The following TMEM143 variants were observed in gnomAD, a reference collection of about 807,000 sequenced individuals.
TMEM143 encodes transmembrane protein 143.
Under a neutral mutation model 40.3 loss-of-function variants are expected in TMEM143, and 45 were observed. The observed-to-expected ratio is 1.12, with a 90% confidence interval of 0.88 to 1.43. The LOEUF is 1.43. Among genes scored for constraint, TMEM143 ranks in the 40% most tolerant of loss-of-function variants. The probability of loss-of-function intolerance (pLI) is 0.00; values close to 1 mark genes in which losing one functional copy is unlikely to be tolerated. For synonymous variants in TMEM143, 299 were observed against 282.7 expected (o/e 1.06, Z -0.58); for missense variants, 620 against 613.4 (o/e 1.01, Z -0.11).
At chr19:48,356,210 TGG>T (rs1356931409) in intron 3 of TMEM143, among the ~76,000 whole-genome samples, 1 of 150,832 alleles carries the variant, frequency 6.6e-6, no homozygotes, top group Non-Finnish European at 1.5e-5. Flanking sequence ...CTCCGCCTCC[TGG>T]GTTCAAGTGA....
intron 2 of TMEM143, among the ~76,000 whole-genome samples, chr19:48,360,799 T>G (rs931281254): frequency 1.3e-5 from 2 of 152,002 alleles, no homozygotes; most frequent in Non-Finnish European, 2.9e-5. Context: ...TTATTATTAT[T>G]ATGTTGAGAC....
At chr19:48,362,287 C>T (rs943584720) in intron 2 of TMEM143, among the ~76,000 whole-genome samples, 9 of 152,262 alleles carry the variant, frequency 5.9e-5, no homozygotes, top group Middle Eastern at 3.4e-3. Flanking sequence ...TACCTGTAAT[C>T]TCAGCACTTT....
intron 6 of TMEM143, among the ~76,000 whole-genome samples, chr19:48,340,946 C>T (rs1969473511): frequency 6.6e-6 from 1 of 152,138 alleles, no homozygotes; most frequent in African/African-American, 2.4e-5. Flanking sequence ...TCAGATCCTA[C>T]CTGAGCCCTG....
intron 5 of TMEM143, chr19:48,343,117 C>T (rs1969542799): frequency 4.0e-6 from 3 of 748,984 alleles, no homozygotes; most frequent in Admixed American, 3.0e-5. Context: ...AGAACTGTCC[C>T]CATCCTTTCT....
chr19:48,345,364 G>T lies in TMEM143; in HGVS notation c.370-10C>A, dbSNP rs201115543. On this transcript the variant is annotated splice_polypyrimidine_tract_variant and intron_variant, in intron 3 of 7. Coordinates refer to ENST00000293261, the MANE Select transcript of TMEM143 (RefSeq NM_018273.4). ...TGGGGTCATATAAGGCCTAAGAGGA[G>T]AGTCAGAGAGAAAAAGATGGGATAG... is the stretch of plus-strand genomic sequence containing the variant. The T allele has an allele frequency of 1.3e-6, 2 of 1,518,198 alleles. No homozygotes were observed. Among genetic ancestry groups the T allele is most frequent in the African/African-American group, 2.8e-5 (2 of 70,828 alleles). The allele number at this position is 1,518,198 out of a possible 1,614,324, so 94.0% of individuals were successfully genotyped here. A position where few individuals can be genotyped will look rare whatever the true frequency, so the allele number is the denominator to read the frequency against.
At chr19:48,360,575 CA>C (rs66559365) in intron 2 of TMEM143, 35,784 of 101,202 alleles carry the variant, frequency 0.35, 4,411 homozygotes, top group Middle Eastern at 0.43. Context: ...GACTCTGTCT[CA>C]AAAAAAAAAA....
At position 48,343,303 on chromosome 19, in the gene TMEM143, G is replaced by C. The variant is rs777241947; in HGVS notation, c.695+18C>G. ...CTTGCTCCCTCTTGCTGCAGCTGGG[G>C]AACAAGGGCCGCCTCACCTCTCCGC... On this transcript the variant is annotated intron_variant, in intron 5 of 7. Coordinates refer to ENST00000293261, the MANE Select transcript of TMEM143 (RefSeq NM_018273.4). The C allele has an allele frequency of 1.6e-5, 25 of 1,606,928 alleles. No homozygotes were observed. In the South Asian group the frequency reaches 2.7e-4, roughly 17 times the overall value.
chr19:48,333,054 G>C lies in TMEM143; in HGVS notation c.*165C>G. ...GGGGAAGACTTAACAACTGCTAGCT[G>C]CTTTGATTGGCTGCTTTGCTTAAGC... On this transcript the variant is annotated 3_prime_UTR_variant, in exon 8 of 8. Transcript: ENST00000293261. The surrounding 1 kb of genome is among the most constrained non-coding windows in gnomAD (Gnocchi z 4.1). 2.1e-6 allele frequency: 1 copy of C among 477,728 alleles called. No individual in the cohort carries two copies. Among genetic ancestry groups the C allele is most frequent in the South Asian group, 7.8e-5 (1 of 12,846 alleles). 29.6% of individuals were successfully genotyped at this position (477,728 alleles called of 1,614,324 possible).
intron 3 of TMEM143, among the ~76,000 whole-genome samples, chr19:48,355,801 AC>A: frequency 6.6e-6 from 1 of 152,284 alleles, no homozygotes; most frequent in Middle Eastern, 3.4e-3. Context: ...GTCTTGGTTT[AC>A]CTGGGGCCTG....
rs762119658 is a variant in TMEM143 at position 48,334,234 on chromosome 19, G to A, written c.976-37C>T. On this transcript the variant is annotated intron_variant, in intron 6 of 7. Coordinates refer to ENST00000293261, the MANE Select transcript of TMEM143 (RefSeq NM_018273.4). The stretch of plus-strand genomic sequence containing the variant: ...ACAGCGCCCCGTGGGCTCAGTTCGG[G>A]GTGCGCCCCCACCCATACACAGCCC... The A allele has an allele frequency of 1.2e-5, 18 of 1,552,716 alleles. No homozygotes were observed. The African/African-American group carries it at 2.3e-4, about 20-fold the overall frequency.
At chr19:48,363,580 C>A (rs778670433) in intron 1 of TMEM143, 49 bp from the exon 2 acceptor site, 1 of 1,547,974 alleles carries the variant, frequency 6.5e-7, no homozygotes. Context: ...AGAGGAAAAG[C>A]GCCCTCTCCA....
At chr19:48,354,939 T>C (rs1291132164) in intron 3 of TMEM143, among the ~76,000 whole-genome samples, 2 of 152,216 alleles carry the variant, frequency 1.3e-5, no homozygotes, top group Non-Finnish European at 2.9e-5. Flanking sequence ...TAAAATCTCC[T>C]GCCTGGGAGA....
At position 48,333,995 on chromosome 19, in the gene TMEM143, G is replaced by C. The variant is rs1322062825; in HGVS notation, c.1165+13C>G. On this transcript the variant is annotated intron_variant, in intron 7 of 7. Transcript: ENST00000293261. This position sits in a 1 kb window ranked among gnomAD's most constrained non-coding sequence, Gnocchi z 4.1. ...GTGGCCCCTGGGGGCAGGGTCCCAG[G>C]GCCACGTCCTACCTTCGGGCGAGCC... 2 of 1,529,766 alleles carry C rather than the reference G, an allele frequency of 1.3e-6. No individual in the cohort carries two copies. Among genetic ancestry groups the C allele is most frequent in the African/African-American group, 2.7e-5 (2 of 72,762 alleles). The allele number at this position is 1,529,766 out of a possible 1,614,324, so 94.8% of individuals were successfully genotyped here.
Position 48,333,068 on chromosome 19 carries a change from C to G in TMEM143, c.*151G>C, listed in dbSNP as rs1600888451. ...AACTGCTAGCTGCTTTGATTGGCTG[C>G]TTTGCTTAAGCACACAGTGCAGCAA... On this transcript the variant is annotated 3_prime_UTR_variant, in exon 8 of 8. Transcript: ENST00000293261. The surrounding 1 kb of genome is among the most constrained non-coding windows in gnomAD (Gnocchi z 4.1). 1 of 549,054 alleles carries G rather than the reference C, an allele frequency of 1.8e-6. No individual in the cohort carries two copies. 34.0% of individuals were successfully genotyped at this position (549,054 alleles called of 1,614,324 possible).
At chr19:48,359,190 C>CA (rs1159142048) in intron 3 of TMEM143, among the ~76,000 whole-genome samples, 1 of 151,834 alleles carries the variant, frequency 6.6e-6, no homozygotes, top group African/African-American at 2.4e-5. Flanking sequence ...AACAAACAAA[C>CA]AAAAAAACAA....
At position 48,342,586 on chromosome 19, in the gene TMEM143, C is replaced by T. The variant is rs201478905; in HGVS notation, c.919G>A (p.Ala307Thr). ...AAGAGCAGCAGCAGCAGGGAGGTGG[C>T]CACCTTGAGGTCGGTTAGCACCACC... is the stretch of plus-strand genomic sequence containing the variant. ...GMVVLTDLKVATSLLLLLFAI... is the reference protein window; with the variant it reads ...GMVVLTDLKVTTSLLLLLFAI... The change falls in exon 6 of 8, where the codon GCC becomes ACC. Residue 307 changes from alanine to threonine, a missense_variant. Physicochemically the swap from Ala to Thr is moderately conservative, Grantham distance 58 (BLOSUM62 0). Coordinates refer to ENST00000293261, the MANE Select transcript of TMEM143 (RefSeq NM_018273.4). 13 of 1,613,134 alleles carry T rather than the reference C, an allele frequency of 8.1e-6. No individual in the cohort carries two copies. The highest frequency in any genetic ancestry group is 1.1e-5 in the Non-Finnish European group (13 of 1,179,892).
At chr19:48,359,944 G>A in intron 3 of TMEM143, 128 bp downstream of exon 3, 2 of 857,644 alleles carry the variant, frequency 2.3e-6, no homozygotes, top group Non-Finnish European at 3.6e-6. Flanking sequence ...CACTTCACCT[G>A]TCATGTTCAC....
rs755329815 is a variant in TMEM143 at position 48,333,312 on chromosome 19, T to G, written c.1287A>C (p.Gly429=). Residue 429 remains glycine (G), a synonymous_variant, in exon 8 of 8, where the codon GGA becomes GGC. Coordinates refer to ENST00000293261, the MANE Select transcript of TMEM143 (RefSeq NM_018273.4). This position sits in a 1 kb window ranked among gnomAD's most constrained non-coding sequence, Gnocchi z 4.1. ...AHLQALTPSM[G]LYPPPGFPKL... ...TGGGGAAACCCGGGGGTGGGTACAA[T>G]CCCATGCTGGGGGTCAGGGCCTGCA... The G allele has an allele frequency of 1.5e-5, 24 of 1,605,100 alleles. No homozygotes were observed. The highest frequency in any genetic ancestry group is 2.0e-5 in the Non-Finnish European group (24 of 1,174,114).
At chr19:48,358,144 G>A (rs1258676758) in intron 3 of TMEM143, among the ~76,000 whole-genome samples, 1 of 152,154 alleles carries the variant, frequency 6.6e-6, no homozygotes, top group African/African-American at 2.4e-5. Context: ...CCAACACTTT[G>A]GGAGGCCAAG....
Sources: allele counts gnomAD v4.1 joint callset (sites outside exome capture counted in the v4.1 genomes callset), GRCh38; gene constraint gnomAD v4.1.1; non-coding constraint Gnocchi (gnomAD v3.1); transcripts MANE v1.5; gene names NCBI Gene and HGNC (gene_info 2026-07-23, HGNC 2026-07-21).